The following UHMK1 variants were observed in gnomAD, a reference collection of about 807,000 sequenced individuals.
UHMK1 encodes serine/threonine-protein kinase Kist.
UHMK1 carries 18 observed loss-of-function variants against 44.0 expected under a neutral mutation model. That is an observed-to-expected ratio of 0.41 (90% CI 0.28 to 0.61). UHMK1 has a LOEUF of 0.61. Ranked by LOEUF, UHMK1 falls within the 20% of genes least tolerant of loss-of-function variation. UHMK1 has a pLI of 0.31. For synonymous variants in UHMK1, 231 were observed against 198.5 expected (o/e 1.16, Z -1.38); for missense variants, 463 against 522.5 (o/e 0.89, Z 1.11).
Position 162,497,980 on chromosome 1 carries a change from C to A in UHMK1, c.-21C>A. On this transcript the variant is annotated 5_prime_UTR_variant, in exon 1 of 8. Transcript: ENST00000489294. ...TCAGGCGTCGCGTCAGCTCCCGTGT[C>A]CGTGCCCTTAACCCACACCGATGGC... The A allele has an allele frequency of 6.6e-7, 1 of 1,505,696 alleles. No homozygotes were observed. The highest frequency in any genetic ancestry group is 8.9e-7 in the Non-Finnish European group (1 of 1,127,504). The allele number at this position is 1,505,696 out of a possible 1,614,324, so 93.3% of individuals were successfully genotyped here.
chr1:162,512,920 G>A, intron 6 of UHMK1, 97 bp downstream of exon 6: 2 of 1,192,678 alleles, frequency 1.7e-6, no homozygotes, highest in Non-Finnish European at 2.4e-6. Context: ...TTTATCTAAT[G>A]AGAATATTGA....
At chr1:162,504,974 C>T (rs1651417503) in intron 4 of UHMK1, among the ~76,000 whole-genome samples, 1 of 152,038 alleles carries the variant, frequency 6.6e-6, no homozygotes, top group Admixed American at 6.6e-5. Context: ...GGGGTTTCAC[C>T]ATGTTGGCTA....
intron 4 of UHMK1, among the ~76,000 whole-genome samples, chr1:162,504,531 T>C (rs1226729663): frequency 6.6e-6 from 1 of 152,142 alleles, no homozygotes; most frequent in African/African-American, 2.4e-5. Context: ...CTATAGACAG[T>C]TGTAATACAA....
chr1:162,516,450 AAAG>A (rs1651838286), intron 6 of UHMK1, among the ~76,000 whole-genome samples: 1 of 152,168 alleles, frequency 6.6e-6, no homozygotes, highest in Non-Finnish European at 1.5e-5. Flanking sequence ...GGAAGGGAAA[AAAG>A]AAAGGGATGA....
intron 1 of UHMK1, among the ~76,000 whole-genome samples, chr1:162,498,988 G>A (rs1302609331): frequency 6.6e-6 from 1 of 152,096 alleles, no homozygotes; most frequent in Non-Finnish European, 1.5e-5. Flanking sequence ...ATATCATTTT[G>A]GAGAAGAATT....
At position 162,524,943 on chromosome 1, in the gene UHMK1, G is replaced by A. The variant is rs1298066070; in HGVS notation, c.*2393G>A. The A allele has an allele frequency of 6.6e-6, 1 of 152,174 alleles. No homozygotes were observed. Among genetic ancestry groups the A allele is most frequent in the Non-Finnish European group, 1.5e-5 (1 of 68,052 alleles). The allele number at this position is 152,174 out of a possible 1,614,324, so 9.4% of individuals were successfully genotyped here. On this transcript the variant is annotated 3_prime_UTR_variant, in exon 8 of 8. Coordinates refer to ENST00000489294, the MANE Select transcript of UHMK1 (RefSeq NM_175866.5). ...GATGTCTTGCTCTGTTGCCCAGGCT[G>A]GAGTGCAGTGGCTCAATCTCGGCTC...
rs761502549 is a variant in UHMK1 at position 162,522,574 on chromosome 1, T to C, written c.*24T>C. ...AATCAGTAACCTAAGGACTGTTTCCTTTTTCTCCTCTTCCATTTCTTGGGT... is the reference window on the plus strand; with the variant it reads ...AATCAGTAACCTAAGGACTGTTTCCCTTTTCTCCTCTTCCATTTCTTGGGT... On this transcript the variant is annotated 3_prime_UTR_variant, in exon 8 of 8. Transcript: ENST00000489294. 5.6e-6 allele frequency: 9 copies of C among 1,602,072 alleles called. No homozygotes were observed. In the East Asian group the frequency reaches 2.0e-4, roughly 36 times the overall value.
At chr1:162,505,986 A>G (rs1313585194) in intron 4 of UHMK1, among the ~76,000 whole-genome samples, 4 of 152,220 alleles carry the variant, frequency 2.6e-5, no homozygotes, top group South Asian at 2.1e-4. Context: ...AAATTGAAAT[A>G]GGTATAATCC....
At chr1:162,497,511 T>TGGG (rs1651089852), upstream of UHMK1, among the ~76,000 whole-genome samples, 3 of 152,176 alleles carry the variant, frequency 2.0e-5, no homozygotes, top group African/African-American at 7.2e-5. Flanking sequence ...ACTCTCTTTT[T>TGGG]GTTCCTGGGG....
chr1:162,498,858 GTTTCAT>G (rs1275320840), intron 1 of UHMK1, among the ~76,000 whole-genome samples: 2 of 152,124 alleles, frequency 1.3e-5, no homozygotes, highest in Non-Finnish European at 2.9e-5. Flanking sequence ...CTGTGAAAAG[GTTTCAT>G]TTTCATTACA....
At chr1:162,519,153 C>T (rs1189192851) in intron 7 of UHMK1, among the ~76,000 whole-genome samples, 1 of 116,482 alleles carries the variant, frequency 8.6e-6, no homozygotes, top group Admixed American at 8.7e-5. Context: ...CCCCTCTCTA[C>T]TAAAAATACC....
rs960752957 is a variant in UHMK1 at position 162,524,378 on chromosome 1, C to T, written c.*1828C>T. The T allele has an allele frequency of 6.6e-6, 1 of 152,214 alleles. No homozygotes were observed. The highest frequency in any genetic ancestry group is 2.4e-5 in the African/African-American group (1 of 41,462). 9.4% of individuals were successfully genotyped at this position (152,214 alleles called of 1,614,324 possible). On this transcript the variant is annotated 3_prime_UTR_variant, in exon 8 of 8. Coordinates refer to ENST00000489294, the MANE Select transcript of UHMK1 (RefSeq NM_175866.5). ...GGGTCTTGTGGCATGTTCCCCAATA[C>T]ATGCCCTTAGAAGGAAGAACTATTA...
At chr1:162,497,616 A>G (rs1158698773), upstream of UHMK1, among the ~76,000 whole-genome samples, 1 of 152,080 alleles carries the variant, frequency 6.6e-6, no homozygotes, top group Non-Finnish European at 1.5e-5. Context: ...TCAACAAGAA[A>G]AAGGACCAGT....
Position 162,523,937 on chromosome 1 carries a change from T to C in UHMK1, c.*1387T>C, listed in dbSNP as rs1200805553. 6.6e-6 allele frequency: 1 copy of C among 152,196 alleles called. No individual in the cohort carries two copies. The highest frequency in any genetic ancestry group is 1.5e-5 in the Non-Finnish European group (1 of 68,046). The allele number at this position is 152,196 out of a possible 1,614,324, so 9.4% of individuals were successfully genotyped here. A position where few individuals can be genotyped will look rare whatever the true frequency, so the allele number is the denominator to read the frequency against. The stretch of plus-strand genomic sequence containing the variant: ...GAGGATGCTGCTATGCGTGAGTTCA[T>C]GGACACAAGTTGATTACATGGTTTT... On this transcript the variant is annotated 3_prime_UTR_variant, in exon 8 of 8. Transcript: ENST00000489294.
chr1:162,497,792 A>C, upstream of UHMK1: 2 of 1,297,928 alleles, frequency 1.5e-6, no homozygotes, highest in South Asian at 2.0e-5. Context: ...CCTGTATGAT[A>C]GGCTCTTCCT....
At position 162,525,651 on chromosome 1, in the gene UHMK1, A is replaced by G. The variant is rs1404306144; in HGVS notation, c.*3101A>G. On this transcript the variant is annotated 3_prime_UTR_variant, in exon 8 of 8. Transcript: ENST00000489294. ...AAAGTACTGACTGCCTTTTAAAGGAATTTTTAAAACTATTCTCTTGCAATA... is the reference window on the plus strand; with the variant it reads ...AAAGTACTGACTGCCTTTTAAAGGAGTTTTTAAAACTATTCTCTTGCAATA... The G allele has an allele frequency of 6.6e-6, 1 of 152,190 alleles. No individual in the cohort carries two copies. The highest frequency in any genetic ancestry group is 6.5e-5 in the Admixed American group (1 of 15,284). The allele number at this position is 152,190 out of a possible 1,614,324, so 9.4% of individuals were successfully genotyped here. A position where few individuals can be genotyped will look rare whatever the true frequency, so the allele number is the denominator to read the frequency against.
At chr1:162,506,218 T>C (rs985131723) in intron 4 of UHMK1, among the ~76,000 whole-genome samples, 2 of 56,172 alleles carry the variant, frequency 3.6e-5, no homozygotes, top group Admixed American at 2.4e-4. Flanking sequence ...TTTTTTTAAA[T>C]AATAGCCCCC....
chr1:162,517,935 G>A (rs913819179), intron 6 of UHMK1, among the ~76,000 whole-genome samples, 167 bp from the exon 7 acceptor site: 1 of 151,978 alleles, frequency 6.6e-6, no homozygotes, highest in Admixed American at 6.6e-5. Context: ...GAAGGTGGAA[G>A]ACTATTATTT....
chr1:162,512,894 T>A, intron 6 of UHMK1, 71 bp downstream of exon 6: 1 of 1,368,828 alleles, frequency 7.3e-7, no homozygotes, highest in Non-Finnish European at 1.0e-6. Flanking sequence ...ATCCGTAACA[T>A]TTTCATATTT....
Sources: gnomAD v4.1 joint callset for allele counts (sites outside exome capture counted in the v4.1 genomes callset) on GRCh38, gnomAD v4.1.1 for gene constraint, MANE v1.5 for transcripts, NCBI Gene and HGNC (gene_info 2026-07-23, HGNC 2026-07-21) for gene names.